Variants in ZDHHC7 observed in about 807,000 individuals in gnomAD.
The protein encoded by ZDHHC7 is palmitoyltransferase ZDHHC7.
A neutral mutation model predicts 34.1 loss-of-function variants in ZDHHC7; 12 were observed. That is an observed-to-expected ratio of 0.35 (90% CI 0.23 to 0.57). ZDHHC7 has a LOEUF of 0.57. Among genes scored for constraint, ZDHHC7 ranks in the 20% least tolerant of loss-of-function variants. ZDHHC7 has a pLI of 0.84. For synonymous variants in ZDHHC7, 185 were observed against 155.4 expected, an observed-to-expected ratio of 1.19 and a Z score of -1.42; for missense variants, 388 against 402.7, an observed-to-expected ratio of 0.96 and a Z score of 0.31.
upstream of ZDHHC7, among the ~76,000 whole-genome samples, chr16:85,011,737 G>A (rs949895857): frequency 6.6e-6 from 1 of 152,226 alleles, no homozygotes; most frequent in African/African-American, 2.4e-5. Flanking sequence ...AAAGGATAGG[G>A]GCTACGGGCT....
At chr16:85,016,092 A>G (rs764961325), upstream of ZDHHC7, among the ~76,000 whole-genome samples, 11 of 152,116 alleles carry the variant, frequency 7.2e-5, no homozygotes, top group Admixed American at 2.6e-4. Flanking sequence ...CTAGTTTTTC[A>G]GGTGAGCTTT....
the ZDHHC7 span, among the ~76,000 whole-genome samples, chr16:85,021,433 G>A: frequency 6.9e-6 from 1 of 145,252 alleles, no homozygotes; most frequent in Non-Finnish European, 1.5e-5. Flanking sequence ...AAAAAGCCAG[G>A]CGTGGTGGCT....
intron 2 of ZDHHC7, among the ~76,000 whole-genome samples, chr16:84,991,439 C>T (rs779378999): frequency 1.3e-5 from 2 of 152,016 alleles, no homozygotes; most frequent in Non-Finnish European, 2.9e-5. Context: ...GCGCCCACCA[C>T]CACACCTAGC....
upstream of ZDHHC7, among the ~76,000 whole-genome samples, chr16:85,015,188 G>C (rs1047806994): frequency 4.6e-5 from 7 of 150,946 alleles, no homozygotes; most frequent in Non-Finnish European, 4.4e-5. Flanking sequence ...CAACCTCCGC[G>C]TCCCAGGTTC....
At chr16:85,006,201 A>AT (rs1309338498) in intron 1 of ZDHHC7, among the ~76,000 whole-genome samples, 3 of 151,914 alleles carry the variant, frequency 2.0e-5, no homozygotes, top group Non-Finnish European at 4.4e-5. Context: ...TACAAAAAAA[A>AT]TTTTTTAATT....
chr16:85,024,027 C>G, the ZDHHC7 span, among the ~76,000 whole-genome samples: 29 of 152,264 alleles, frequency 1.9e-4, no homozygotes, highest in East Asian at 3.7e-3. Context: ...AAGCAATTCT[C>G]CAGCCTCAGA....
intron 3 of ZDHHC7, among the ~76,000 whole-genome samples, chr16:84,985,204 C>T (rs966030191): frequency 3.3e-5 from 5 of 152,250 alleles, no homozygotes; most frequent in Non-Finnish European, 7.3e-5. Flanking sequence ...GTTCCCTCTT[C>T]TGGTGCCCCT....
At chr16:84,986,861 T>G (rs1001761906) in intron 3 of ZDHHC7, among the ~76,000 whole-genome samples, 32 of 152,302 alleles carry the variant, frequency 2.1e-4, no homozygotes, top group African/African-American at 7.2e-4. Flanking sequence ...ATGGTTCTAG[T>G]TCAGCCTGGA....
At chr16:84,989,698 A>C (rs924799451) in intron 3 of ZDHHC7, among the ~76,000 whole-genome samples, 1 of 125,408 alleles carries the variant, frequency 8.0e-6, no homozygotes, top group Non-Finnish European at 1.9e-5. Context: ...CCGTCTCAAA[A>C]AAAAAAAAAA....
At chr16:84,990,072 T>A (rs796448513) in intron 3 of ZDHHC7, among the ~76,000 whole-genome samples, 2 of 152,120 alleles carry the variant, frequency 1.3e-5, no homozygotes, top group African/African-American at 4.8e-5. Context: ...GGAAGCTGAA[T>A]CTGGTGGCCT....
chr16:85,018,576 T>G, the ZDHHC7 span, among the ~76,000 whole-genome samples: 31 of 152,202 alleles, frequency 2.0e-4, no homozygotes, highest in Admixed American at 5.9e-4. Flanking sequence ...GCCTCCCTGG[T>G]AGCTGGGATT....
intron 3 of ZDHHC7, among the ~76,000 whole-genome samples, chr16:84,985,289 C>A (rs946508754): frequency 6.6e-6 from 1 of 152,260 alleles, no homozygotes; most frequent in Non-Finnish European, 1.5e-5. Context: ...CTCTGTGCCA[C>A]CTCGCCCTTC....
the ZDHHC7 span, among the ~76,000 whole-genome samples, chr16:85,022,741 A>G: frequency 2.0e-5 from 3 of 152,218 alleles, no homozygotes; most frequent in Non-Finnish European, 4.4e-5. Context: ...GGTCAAGCAT[A>G]GTATCACCAA....
intron 1 of ZDHHC7, among the ~76,000 whole-genome samples, chr16:85,010,685 TAA>T (rs2072779246): frequency 9.6e-6 from 1 of 104,310 alleles, no homozygotes; most frequent in Non-Finnish European, 2.1e-5. Flanking sequence ...TGTGTCTATC[TAA>T]CTGAGTGTGA....
intron 2 of ZDHHC7, among the ~76,000 whole-genome samples, chr16:84,992,433 A>T (rs1160206644): frequency 6.6e-6 from 1 of 152,214 alleles, no homozygotes; most frequent in Non-Finnish European, 1.5e-5. Flanking sequence ...AGATCGTACC[A>T]CGGCACTCCA....
chr16:85,007,264 A>G (rs1340540669), intron 1 of ZDHHC7, among the ~76,000 whole-genome samples: 2 of 145,222 alleles, frequency 1.4e-5, no homozygotes, highest in East Asian at 3.9e-4. Flanking sequence ...TCTCTACAAA[A>G]ATACAAAAAT....
chr16:85,000,597 G>A (rs79507588), intron 1 of ZDHHC7, among the ~76,000 whole-genome samples: 21,150 of 152,084 alleles, frequency 0.14, 1,810 homozygotes, highest in East Asian at 0.33. Context: ...TAAACTTGTC[G>A]TTGCTTTACT....
intron 7 of ZDHHC7, among the ~76,000 whole-genome samples, chr16:84,976,788 T>C (rs2072304088): frequency 6.6e-6 from 1 of 152,208 alleles, no homozygotes; most frequent in South Asian, 2.1e-4. Context: ...GTACAGACAT[T>C]TACTGAGCGC....
chr16:85,023,085 C>T, the ZDHHC7 span, among the ~76,000 whole-genome samples: 13 of 152,140 alleles, frequency 8.5e-5, no homozygotes, highest in Admixed American at 8.5e-4. Flanking sequence ...CTGAAAGGAA[C>T]ACAGCCCTGC....
Sources: gnomAD v4.1 joint callset for allele counts (sites outside exome capture counted in the v4.1 genomes callset) on GRCh38, gnomAD v4.1.1 for gene constraint, MANE v1.5 for transcripts, NCBI Gene and HGNC (gene_info 2026-07-23, HGNC 2026-07-21) for gene names.